The following PTPRM variants were observed in gnomAD, a reference collection of about 807,000 sequenced individuals.
PTPRM encodes the protein receptor-type tyrosine-protein phosphatase mu.
A neutral mutation model predicts 186.7 loss-of-function variants in PTPRM; 47 were observed. The observed-to-expected ratio is 0.25, with a 90% CI of 0.20 to 0.32. The LOEUF (loss-of-function observed/expected upper bound fraction) is 0.32, where lower values mean the gene tolerates loss of function less well. Among genes scored for constraint, PTPRM ranks in the 10% least tolerant of loss-of-function variants. The pLI is 1.00. For missense variants in PTPRM, 1,494 were observed against 1,865.0 expected, an observed-to-expected ratio of 0.80 and a Z score of 3.66; for synonymous variants, 668 against 674.9, an observed-to-expected ratio of 0.99 and a Z score of 0.16.
At chr18:7,848,707 A>C (rs1031687330) in intron 2 of PTPRM, among the ~76,000 whole-genome samples, 5 of 152,184 alleles carry the variant, frequency 3.3e-5, no homozygotes, top group African/African-American at 1.2e-4. Context: ...AGGCTGTAGT[A>C]AACTAGTGTC....
rs541503882 is a variant in PTPRM at position 8,289,502 on chromosome 18, ATG to A, written c.2755-6858_2755-6857del. Among the ~76,000 whole-genome samples the A allele has an allele frequency of 3.1e-3, 396 of 126,100 alleles. 16 individuals are homozygous for A. Among genetic ancestry groups the A allele is most frequent in the African/African-American group, 0.011 (361 of 33,614 alleles). The allele number at this position is 126,100 out of a possible 152,430, so 82.7% of individuals were successfully genotyped here. ...TGTATATATATACATATATGTATAT[ATG>A]TGTGTGTATGTATATATATACATAT... is the stretch of plus-strand genomic sequence containing the variant. On this transcript the variant is annotated intron_variant, in intron 19 of 32. Transcript: ENST00000580170.
chr18:7,976,574 G>A (rs2054958729), intron 7 of PTPRM, among the ~76,000 whole-genome samples: 1 of 152,030 alleles, frequency 6.6e-6, no homozygotes, highest in Non-Finnish European at 1.5e-5. Flanking sequence ...CAATTTTGCT[G>A]TTAACGTAAA....
chr18:7,842,734 C>G (rs1348104), intron 2 of PTPRM, among the ~76,000 whole-genome samples: 1 of 150,728 alleles, frequency 6.6e-6, no homozygotes, highest in African/African-American at 2.5e-5. Flanking sequence ...GCCAGCCCCA[C>G]CACTTACATG....
intron 24 of PTPRM, among the ~76,000 whole-genome samples, chr18:8,372,056 C>CTTTATTTTTTTTTTTTTTTTTT (rs2095665742): frequency 1.7e-5 from 1 of 59,060 alleles, no homozygotes; most frequent in East Asian, 5.3e-4. Flanking sequence ...ACTCTATATT[C>CTTTATTTTTTTTTTTTTTTTTT]TTTTTTTTTT....
chr18:8,172,771 C>T (rs1479462070), intron 14 of PTPRM, among the ~76,000 whole-genome samples: 6 of 151,830 alleles, frequency 4.0e-5, no homozygotes, highest in Admixed American at 6.6e-5. Flanking sequence ...TGCAGGGAAA[C>T]CCAAATCTGT....
chr18:7,573,252 A>G (rs1256682844), intron 1 of PTPRM, among the ~76,000 whole-genome samples: 2 of 152,168 alleles, frequency 1.3e-5, no homozygotes, highest in Admixed American at 1.3e-4. Context: ...TGAAGGAGAA[A>G]CACATGGAAA....
chr18:7,942,909 A>G (rs556250309), intron 5 of PTPRM, among the ~76,000 whole-genome samples: 1 of 152,242 alleles, frequency 6.6e-6, no homozygotes, highest in South Asian at 2.1e-4. Context: ...AATGGGGCTG[A>G]TAGAGAGCCT....
rs1003239821 is a variant in PTPRM at position 7,892,517 on chromosome 18, C to T, written c.468+4140C>T. Among the ~76,000 whole-genome samples the T allele has an allele frequency of 4.6e-5, 7 of 152,280 alleles. No individual in the cohort carries two copies. The East Asian group carries it at 1.2e-3, about 25-fold the overall frequency. On this transcript the variant is annotated intron_variant, in intron 3 of 32. Transcript: ENST00000580170. ...TTCCCAATTGTGAACTTTTCTGCTCCTAACCTTTAAGCCCTCTCACTTTTC... is the reference window on the plus strand; with the variant it reads ...TTCCCAATTGTGAACTTTTCTGCTCTTAACCTTTAAGCCCTCTCACTTTTC...
At chr18:7,727,101 A>G (rs941566761) in intron 1 of PTPRM, among the ~76,000 whole-genome samples, 1 of 152,080 alleles carries the variant, frequency 6.6e-6, no homozygotes, top group African/African-American at 2.4e-5. Flanking sequence ...AAATAATGGA[A>G]CGGGTGACTT....
At chr18:8,212,831 G>GTATAAA (rs2094025904) in intron 14 of PTPRM, among the ~76,000 whole-genome samples, 1 of 152,108 alleles carries the variant, frequency 6.6e-6, no homozygotes, top group South Asian at 2.1e-4. Flanking sequence ...TGTGTACATT[G>GTATAAA]TATAAATATA....
intron 19 of PTPRM, among the ~76,000 whole-genome samples, chr18:8,257,238 C>T (rs1343903842): frequency 1.3e-5 from 2 of 152,160 alleles, no homozygotes; most frequent in Non-Finnish European, 2.9e-5. Context: ...GACCCAAAAG[C>T]AGGAGAATGG....
intron 1 of PTPRM, among the ~76,000 whole-genome samples, chr18:7,627,860 G>C (rs1260828511): frequency 6.6e-6 from 1 of 152,162 alleles, no homozygotes; most frequent in African/African-American, 2.4e-5. Flanking sequence ...GGGGTGTTGT[G>C]CGGTGCTACA....
intron 19 of PTPRM, among the ~76,000 whole-genome samples, chr18:8,253,873 G>A (rs1401976297): frequency 2.0e-5 from 3 of 152,184 alleles, no homozygotes; most frequent in Non-Finnish European, 2.9e-5. Flanking sequence ...AATACACAAT[G>A]AAAACAAATT....
At position 8,401,769 on chromosome 18, in the gene PTPRM, A is replaced by G. The variant is rs2095873490; in HGVS notation, c.4345-4340A>G. Among the ~76,000 whole-genome samples, 3 of 152,328 alleles carry G rather than the reference A, an allele frequency of 2.0e-5. 1 individual carries two copies. The Middle Eastern group carries it at 0.01, about 518-fold the overall frequency. ...TGCTGGCCTCGTGACGCCCTCACCA[A>G]GCTAGCAGTGGCTTTTAACAGCCAA... is the stretch of plus-strand genomic sequence containing the variant. On this transcript the variant is annotated intron_variant, in intron 32 of 32. Coordinates refer to ENST00000580170, the MANE Select transcript of PTPRM (RefSeq NM_001105244.2).
Position 8,121,314 on chromosome 18 carries a change from T to C in PTPRM, c.2167+6487T>C, listed in dbSNP as rs77787959. 1.3e-4 allele frequency among the ~76,000 whole-genome samples: 20 copies of C among 152,354 alleles called. 1 individual carries two copies. The East Asian group carries it at 3.9e-3, about 29-fold the overall frequency. On this transcript the variant is annotated intron_variant, in intron 13 of 32. Transcript: ENST00000580170. Reference sequence around the variant, plus strand: ...TCTATTTTCCTTACTCGCTGCCACATTTCTAATAGTACCCAGGCTGTTCCA... The same window carrying C: ...TCTATTTTCCTTACTCGCTGCCACACTTCTAATAGTACCCAGGCTGTTCCA...
At chr18:7,923,324 G>A (rs2050977487) in intron 4 of PTPRM, among the ~76,000 whole-genome samples, 1 of 152,174 alleles carries the variant, frequency 6.6e-6, no homozygotes, top group African/African-American at 2.4e-5. Context: ...GAGAGAACCT[G>A]TTGTTCTGAG....
chr18:8,345,481 A>G (rs1311162582), intron 23 of PTPRM, among the ~76,000 whole-genome samples: 1 of 152,044 alleles, frequency 6.6e-6, no homozygotes, highest in Non-Finnish European at 1.5e-5. Context: ...CTAGAAAAAT[A>G]TGACTTTCCA....
chr18:8,328,526 G>A (rs1451285000), intron 22 of PTPRM, among the ~76,000 whole-genome samples: 1 of 152,226 alleles, frequency 6.6e-6, no homozygotes, highest in Non-Finnish European at 1.5e-5. Flanking sequence ...CATTGTCAGT[G>A]AGTTGTAGGT....
chr18:8,388,333 C>T (rs1008921804), intron 31 of PTPRM, among the ~76,000 whole-genome samples: 28 of 152,260 alleles, frequency 1.8e-4, no homozygotes, highest in African/African-American at 6.3e-4. Flanking sequence ...AGTTTCACTC[C>T]GGGTAGATCA....
Sources: allele counts gnomAD v4.1 joint callset (sites outside exome capture counted in the v4.1 genomes callset), GRCh38; gene constraint gnomAD v4.1.1; transcripts MANE v1.5; gene names NCBI Gene and HGNC (gene_info 2026-07-23, HGNC 2026-07-21).